The following HNRNPA1L2 variants were observed in gnomAD, a reference collection of about 807,000 sequenced individuals.
The protein encoded by HNRNPA1L2 is heterogeneous nuclear ribonucleoprotein A1 like 2, also known as heterogeneous nuclear ribonucleoprotein A1-like 2.
A neutral mutation model predicts 18.2 loss-of-function variants in HNRNPA1L2; 10 were observed. The ratio of observed to expected loss-of-function variants is 0.55; its 90% CI spans 0.34 to 0.93. The LOEUF is 0.93. Ranked by LOEUF, HNRNPA1L2 falls within the 40% of genes least tolerant of loss-of-function variation. The probability of loss-of-function intolerance (pLI) is 0.02; values close to 1 mark genes in which losing one functional copy is unlikely to be tolerated. For missense variants in HNRNPA1L2, 308 were observed against 394.4 expected (o/e 0.78, Z 1.85); for synonymous variants, 124 against 138.6 (o/e 0.89, Z 0.74).
the HNRNPA1L2 span, among the ~76,000 whole-genome samples, chr13:52,623,622 C>T: frequency 1.3e-5 from 2 of 152,118 alleles, no homozygotes; most frequent in Non-Finnish European, 2.9e-5. Context: ...CTCCCCTCCC[C>T]GCTTTTCAAG....
chr13:52,628,285 A>G, the HNRNPA1L2 span, among the ~76,000 whole-genome samples: 2 of 152,154 alleles, frequency 1.3e-5, no homozygotes, highest in African/African-American at 4.8e-5. Flanking sequence ...TTTACAAACC[A>G]TAAAAAAATT....
upstream of HNRNPA1L2, among the ~76,000 whole-genome samples, chr13:52,638,170 A>G (rs1961522719): frequency 6.6e-6 from 1 of 152,202 alleles, no homozygotes; most frequent in Non-Finnish European, 1.5e-5. Flanking sequence ...CTCCTTGTTA[A>G]TAGGAAAGTA....
chr13:52,628,540 T>C, the HNRNPA1L2 span, among the ~76,000 whole-genome samples: 2 of 152,216 alleles, frequency 1.3e-5, no homozygotes, highest in African/African-American at 4.8e-5. Flanking sequence ...ACAAGGGCAA[T>C]AAATAAATAC....
At chr13:52,642,320 C>T (rs990422068), upstream of HNRNPA1L2, 4 of 821,872 alleles carry the variant, frequency 4.9e-6, no homozygotes, top group Non-Finnish European at 5.9e-6. Flanking sequence ...CCTGTACATA[C>T]ACTAAAAAAT....
At chr13:52,623,629 C>G in the HNRNPA1L2 span, among the ~76,000 whole-genome samples, 1 of 152,152 alleles carries the variant, frequency 6.6e-6, no homozygotes, top group South Asian at 2.1e-4. Context: ...CCCCGCTTTT[C>G]AAGGACTTCC....
At chr13:52,639,463 G>A (rs557722754), upstream of HNRNPA1L2, among the ~76,000 whole-genome samples, 1 of 152,216 alleles carries the variant, frequency 6.6e-6, no homozygotes, top group South Asian at 2.1e-4. Context: ...CAAATTTAAT[G>A]TTCCTGTATT....
the HNRNPA1L2 span, among the ~76,000 whole-genome samples, chr13:52,636,650 TTAAAA>T: frequency 1.3e-5 from 2 of 152,184 alleles, no homozygotes; most frequent in Non-Finnish European, 2.9e-5. Flanking sequence ...TTTGATAGAG[TTAAAA>T]TAAACAGTCT....
In HNRNPA1L2 at chr13:52,643,195, G is replaced by C. The variant is rs1381337292; in HGVS notation, c.703G>C (p.Gly235Arg). The C allele has an allele frequency of 3.1e-6, 5 of 1,597,582 alleles. No individual in the cohort carries two copies. The highest frequency in any genetic ancestry group is 1.3e-5 in the African/African-American group (1 of 74,832). Residue 235 changes from glycine to arginine, a missense_variant, in exon 1 of 1, where the codon GGT becomes CGT. Coordinates refer to ENST00000357495, the MANE Select transcript of HNRNPA1L2 (RefSeq NM_001389320.1). The stretch of plus-strand genomic sequence containing the variant: ...TGGCTTTGGTGGCAGCTGTGGTGGT[G>C]GTGGATATGGTGGCAGTGGGGATGG... ...RGGFGGSCGGGGYGGSGDGYN... is the reference protein window; with the variant it reads ...RGGFGGSCGGRGYGGSGDGYN...
chr13:52,623,168 G>C, the HNRNPA1L2 span, among the ~76,000 whole-genome samples: 2 of 152,152 alleles, frequency 1.3e-5, no homozygotes, highest in Admixed American at 1.3e-4. Flanking sequence ...GTATGTGGAA[G>C]TAAATAACAC....
chr13:52,619,395 C>G, the HNRNPA1L2 span, among the ~76,000 whole-genome samples: 1 of 152,088 alleles, frequency 6.6e-6, no homozygotes, highest in Non-Finnish European at 1.5e-5. Context: ...TCGCTGCAAC[C>G]TCTGCCTCCC....
rs764721880 is a variant in HNRNPA1L2 at position 52,642,726 on chromosome 13, G to A, written c.234G>A (p.Lys78=). The change falls in exon 1 of 1, where the codon AAG becomes AAA. Residue 78 remains lysine, a synonymous_variant. Transcript: ENST00000357495. The stretch of plus-strand genomic sequence containing the variant: ...CAGCTATGAATACAACGCCACACAA[G>A]GTGGATGGAAGAGTTGTGGAACCAA... ...VDAAMNTTPH[K]VDGRVVEPKR... 2.5e-6 allele frequency: 4 copies of A among 1,602,674 alleles called. No homozygotes were observed. The highest frequency in any genetic ancestry group is 1.7e-5 in the Admixed American group (1 of 60,000).
the HNRNPA1L2 span, among the ~76,000 whole-genome samples, chr13:52,619,458 G>A: frequency 6.6e-6 from 1 of 152,122 alleles, no homozygotes; most frequent in Non-Finnish European, 1.5e-5. Context: ...GACTACAAGC[G>A]TACGTTACCA....
At chr13:52,635,175 C>T in the HNRNPA1L2 span, among the ~76,000 whole-genome samples, 11 of 152,122 alleles carry the variant, frequency 7.2e-5, no homozygotes, top group Admixed American at 1.3e-4. Flanking sequence ...TTAGACACAT[C>T]TCTGCACATA....
the HNRNPA1L2 span, chr13:52,627,556 G>C: frequency 6.5e-6 from 1 of 153,348 alleles, no homozygotes; most frequent in Non-Finnish European, 1.5e-5. Context: ...GGGGCACAGA[G>C]AGATGGAGAG....
the HNRNPA1L2 span, among the ~76,000 whole-genome samples, chr13:52,626,234 A>T: frequency 6.6e-6 from 1 of 152,106 alleles, no homozygotes; most frequent in Admixed American, 6.5e-5. Flanking sequence ...ACAGAAAGCC[A>T]GGCATAATAA....
chr13:52,630,862 TTAAC>T, the HNRNPA1L2 span, among the ~76,000 whole-genome samples: 1 of 152,216 alleles, frequency 6.6e-6, no homozygotes, highest in Non-Finnish European at 1.5e-5. Flanking sequence ...TTAAGAATGT[TTAAC>T]TGAGTCAGTT....
chr13:52,642,570 T>G lies in HNRNPA1L2; in HGVS notation c.78T>G (p.Thr26=). The G allele has an allele frequency of 6.2e-7, 1 of 1,611,854 alleles. No homozygotes were observed. The highest frequency in any genetic ancestry group is 8.5e-7 in the Non-Finnish European group (1 of 1,179,826). Residue 26 remains threonine (T), a synonymous_variant, in exon 1 of 1, where the codon ACT becomes ACG. Transcript: ENST00000357495. ...LFIGGLSFET[T]DESLRSHFEQ... is the part of the protein sequence containing the mutation. ...TTGGAGGGTTGAGCTTTGAAACAAC[T>G]GATGAGAGCCTGAGGAGCCATTTTG...
chr13:52,623,801 T>C, the HNRNPA1L2 span, among the ~76,000 whole-genome samples: 1 of 152,230 alleles, frequency 6.6e-6, no homozygotes, highest in African/African-American at 2.4e-5. Flanking sequence ...CATAAAACAT[T>C]CACTCATTAT....
chr13:52,643,475 A>G lies in HNRNPA1L2; in HGVS notation c.*20A>G. The G allele has an allele frequency of 6.4e-6, 10 of 1,570,142 alleles. No homozygotes were observed. Among genetic ancestry groups the G allele is most frequent in the Non-Finnish European group, 8.7e-6 (10 of 1,156,030 alleles). Reference sequence around the variant, plus strand: ...TTTTAATTAGGAAACAAAGCTTAGCAGGAGAGGAGAGCCAGAGAAGTGACA... The same window carrying G: ...TTTTAATTAGGAAACAAAGCTTAGCGGGAGAGGAGAGCCAGAGAAGTGACA... On this transcript the variant is annotated 3_prime_UTR_variant, in exon 1 of 1. Coordinates refer to ENST00000357495, the MANE Select transcript of HNRNPA1L2 (RefSeq NM_001389320.1).
Sources: gnomAD v4.1 joint callset for allele counts (sites outside exome capture counted in the v4.1 genomes callset) on GRCh38, gnomAD v4.1.1 for gene constraint, MANE v1.5 for transcripts, NCBI Gene and HGNC (gene_info 2026-07-23, HGNC 2026-07-21) for gene names.